Variants in ARHGAP29 observed in about 807,000 individuals in gnomAD.
ARHGAP29 encodes the protein rho GTPase-activating protein 29.
Under a neutral mutation model 122.6 loss-of-function variants are expected in ARHGAP29, and 43 were observed. The observed-to-expected ratio is 0.35, with a 90% CI of 0.27 to 0.45. ARHGAP29 has a LOEUF of 0.45. Ranked by LOEUF, ARHGAP29 falls within the 20% of genes least tolerant of loss-of-function variation. ARHGAP29 has a pLI of 1.00. For synonymous variants in ARHGAP29, 506 were observed against 497.1 expected (o/e 1.02, Z -0.24); for missense variants, 1,303 against 1,477.2 (o/e 0.88, Z 1.93).
At chr1:94,287,180 T>A in the ARHGAP29 span, among the ~76,000 whole-genome samples, 2 of 152,266 alleles carry the variant, frequency 1.3e-5, no homozygotes, top group East Asian at 1.9e-4. Context: ...TGGTTTATTA[T>A]AAAGGATATT....
the ARHGAP29 span, among the ~76,000 whole-genome samples, chr1:94,285,790 A>G: frequency 4.0e-5 from 6 of 149,616 alleles, no homozygotes; most frequent in African/African-American, 1.2e-4. Flanking sequence ...CAGGAGAATC[A>G]CTTGAACCCG....
chr1:94,269,787 T>G (rs547085905), intron 1 of ARHGAP29, among the ~76,000 whole-genome samples: 3 of 152,132 alleles, frequency 2.0e-5, no homozygotes, highest in Non-Finnish European at 4.4e-5. Flanking sequence ...TTAAAGAGCT[T>G]GTATTCTAGT....
intron 7 of ARHGAP29, among the ~76,000 whole-genome samples, 195 bp downstream of exon 7, chr1:94,204,866 G>C (rs919405594): frequency 6.6e-6 from 1 of 152,018 alleles, no homozygotes; most frequent in African/African-American, 2.4e-5. Context: ...TGTGTCCCTA[G>C]GTCTAGTAGT....
Position 94,231,626 on chromosome 1 carries a change from G to A in ARHGAP29, c.-15C>T, listed in dbSNP as rs1652925172. ...TGAGCAATCATCCTTTCATGTAACA[G>A]TCAGAAAAACTGAAATCCTTAAGGG... On this transcript the variant is annotated 5_prime_UTR_variant, in exon 2 of 23. Transcript: ENST00000260526. The A allele has an allele frequency of 1.2e-6, 2 of 1,608,492 alleles. No individual in the cohort carries two copies. Among genetic ancestry groups the A allele is most frequent in the Non-Finnish European group, 1.7e-6 (2 of 1,178,166 alleles).
chr1:94,210,711 C>T (rs1178067073), intron 3 of ARHGAP29, among the ~76,000 whole-genome samples: 1 of 152,156 alleles, frequency 6.6e-6, no homozygotes, highest in Non-Finnish European at 1.5e-5. Flanking sequence ...GATTATACTT[C>T]TACCTGAAAC....
chr1:94,234,850 A>C (rs1001235299), intron 1 of ARHGAP29, among the ~76,000 whole-genome samples: 1 of 152,218 alleles, frequency 6.6e-6, no homozygotes, highest in African/African-American at 2.4e-5. Flanking sequence ...TAAACTTGGT[A>C]AATTAGAGAA....
rs985602747 is a variant in ARHGAP29, at chr1:94,202,218, A to G, written c.1143+326T>C. ...CTATCAGGTGCCTGAATTAGTACAC[A>G]TACACACACACACTTGCCTAAAAGG... On this transcript the variant is annotated intron_variant, in intron 11 of 22. Coordinates refer to ENST00000260526, the MANE Select transcript of ARHGAP29 (RefSeq NM_004815.4). 5 of 522,314 alleles carry G rather than the reference A, an allele frequency of 9.6e-6. No individual in the cohort carries two copies. In the African/African-American group the frequency reaches 9.7e-5, roughly 10 times the overall value. The allele number at this position is 522,314 out of a possible 1,614,324, so 32.4% of individuals were successfully genotyped here. A position where few individuals can be genotyped will look rare whatever the true frequency, so the allele number is the denominator to read the frequency against.
At chr1:94,226,255 T>C (rs1652604720) in intron 2 of ARHGAP29, among the ~76,000 whole-genome samples, 1 of 151,972 alleles carries the variant, frequency 6.6e-6, no homozygotes. Context: ...AGGATAAAAG[T>C]GAAGCCTGAG....
Position 94,220,327 on chromosome 1 carries a change from T to G in ARHGAP29, c.271A>C (p.Asn91His), listed in dbSNP as rs1357882289. 2.0e-5 allele frequency: 32 copies of G among 1,613,386 alleles called. No homozygotes were observed. Among genetic ancestry groups the G allele is most frequent in the Admixed American group, 5.0e-5 (3 of 59,990 alleles). ...ELLRVLKSIMNKHQNLNSVDL... is the reference protein window; with the variant it reads ...ELLRVLKSIMHKHQNLNSVDL... Reference sequence around the variant, plus strand: ...ACAGAATTGAGGTTCTGATGTTTATTCATTATAGACTTTAAAACACGGAGC... The same window carrying G: ...ACAGAATTGAGGTTCTGATGTTTATGCATTATAGACTTTAAAACACGGAGC... The change falls in exon 3 of 23, where the codon AAT becomes CAT. Residue 91 changes from asparagine (N) to histidine (H), a missense_variant. Physicochemically the swap from Asn to His is moderately conservative, Grantham distance 68 (BLOSUM62 1). Coordinates refer to ENST00000260526, the MANE Select transcript of ARHGAP29 (RefSeq NM_004815.4).
At chr1:94,207,831 G>C (rs1027740621) in intron 5 of ARHGAP29, among the ~76,000 whole-genome samples, 1 of 151,534 alleles carries the variant, frequency 6.6e-6, no homozygotes, top group Non-Finnish European at 1.5e-5. Context: ...CCAAATATTT[G>C]ATTTTTTTTT....
At chr1:94,291,530 T>C in the ARHGAP29 span, among the ~76,000 whole-genome samples, 24 of 152,304 alleles carry the variant, frequency 1.6e-4, no homozygotes, top group Non-Finnish European at 2.9e-4. Flanking sequence ...TTAATTGATA[T>C]AGTTTCTTTA....
chr1:94,254,856 C>G (rs1343852861), intron 1 of ARHGAP29, among the ~76,000 whole-genome samples: 1 of 152,130 alleles, frequency 6.6e-6, no homozygotes, highest in Non-Finnish European at 1.5e-5. Context: ...TGAAATGGAG[C>G]TGCCAGATGC....
chr1:94,234,920 T>C (rs1186365264), intron 1 of ARHGAP29, among the ~76,000 whole-genome samples: 1 of 152,214 alleles, frequency 6.6e-6, no homozygotes, highest in African/African-American at 2.4e-5. Context: ...ACAATTTACC[T>C]ATTTTAGCAG....
chr1:94,188,870 A>G lies in ARHGAP29; in HGVS notation c.1648T>C (p.Ser550Pro). 1 of 1,613,182 alleles carries G rather than the reference A, an allele frequency of 6.2e-7. No individual in the cohort carries two copies. Among genetic ancestry groups the G allele is most frequent in the Non-Finnish European group, 8.5e-7 (1 of 1,179,318 alleles). ...ATAGATTCTGAATCCAGAGATCTAG[A>G]TTCGCTGCTCCCTCCAGTGCTCTCA... ...DSESTGGSSESRSLDSESISP... is the reference protein window; with the variant it reads ...DSESTGGSSEPRSLDSESISP... Residue 550 changes from serine (S) to proline (P), a missense_variant, in exon 15 of 23, where the codon TCT (serine) becomes CCT (proline). This residue lies in a region of ARHGAP29 where 592 missense variants were observed against 648.2 expected (regional missense o/e 0.91). Coordinates refer to ENST00000260526, the MANE Select transcript of ARHGAP29 (RefSeq NM_004815.4).
At chr1:94,273,148 C>A (rs964144985) in intron 1 of ARHGAP29, among the ~76,000 whole-genome samples, 7 of 152,192 alleles carry the variant, frequency 4.6e-5, no homozygotes, top group African/African-American at 1.7e-4. Context: ...CCTACTGCGT[C>A]AATTCCTGTA....
At chr1:94,185,555 A>T in intron 16 of ARHGAP29, 74 bp from the exon 17 acceptor site, 1 of 1,304,656 alleles carries the variant, frequency 7.7e-7, no homozygotes, top group South Asian at 1.7e-5. Flanking sequence ...TATTTTGAAT[A>T]ATCTTTAAAC....
intron 2 of ARHGAP29, among the ~76,000 whole-genome samples, chr1:94,228,304 T>A (rs1180070292): frequency 6.6e-6 from 1 of 151,808 alleles, no homozygotes; most frequent in African/African-American, 2.4e-5. Context: ...AAACAAATAC[T>A]TAGCTGTCTT....
chr1:94,269,127 T>G (rs372742655), intron 1 of ARHGAP29, among the ~76,000 whole-genome samples: 6 of 152,194 alleles, frequency 3.9e-5, no homozygotes, highest in African/African-American at 1.4e-4. Context: ...TAATGAGTTC[T>G]CTAGGATTTC....
upstream of ARHGAP29, among the ~76,000 whole-genome samples, chr1:94,275,579 AC>A (rs1212678559): frequency 2.0e-5 from 3 of 152,200 alleles, no homozygotes; most frequent in African/African-American, 7.2e-5. Context: ...CTAGCAAAAC[AC>A]AGGAGAATTC....
Sources: allele counts gnomAD v4.1 joint callset (sites outside exome capture counted in the v4.1 genomes callset), GRCh38; gene constraint gnomAD v4.1.1; regional missense constraint gnomAD v4.1.1; transcripts MANE v1.5; gene names NCBI Gene and HGNC (gene_info 2026-07-23, HGNC 2026-07-21).